Variants in NRXN3 observed in about 807,000 individuals in gnomAD.
The protein encoded by NRXN3 is neurexin 3.
In NRXN3, 32 loss-of-function variants were observed where a neutral mutation model predicts 137.6. The observed-to-expected ratio is 0.23, with a 90% CI of 0.18 to 0.31. The LOEUF is 0.31. Ranked by LOEUF, NRXN3 falls within the 10% of genes least tolerant of loss-of-function variation. The pLI, the probability that NRXN3 is intolerant of heterozygous loss-of-function variation, is 1.00. For missense variants in NRXN3, 1,574 were observed against 2,062.5 expected (o/e 0.76, Z 4.59); for synonymous variants, 798 against 784.5 (o/e 1.02, Z -0.29).
chr14:78,726,472 TA>T (rs35040795), intron 8 of NRXN3, among the ~76,000 whole-genome samples: 144,702 of 148,400 alleles, frequency 0.98, 70,633 homozygotes, highest in Non-Finnish European at 0.99. Context: ...CACTCTTTTT[TA>T]ATTGTGATAA....
chr14:79,623,642 T>C (rs2098248455), intron 16 of NRXN3, among the ~76,000 whole-genome samples: 1 of 152,204 alleles, frequency 6.6e-6, no homozygotes, highest in East Asian at 1.9e-4. Flanking sequence ...ATGCAAATGA[T>C]TGCTTTTAAA....
intron 8 of NRXN3, among the ~76,000 whole-genome samples, chr14:78,751,292 C>T (rs557076921): frequency 3.9e-5 from 6 of 152,218 alleles, no homozygotes; most frequent in Admixed American, 2.0e-4. Context: ...CCCGATGTTC[C>T]GAAGAAAGGA....
intron 15 of NRXN3, chr14:79,280,054 C>G (rs559086936): frequency 2.2e-6 from 3 of 1,339,616 alleles, no homozygotes; most frequent in East Asian, 3.1e-5. Context: ...CCCTGGCATT[C>G]TAAATTTCAG....
At chr14:79,793,710 T>C (rs12881435) in intron 19 of NRXN3, among the ~76,000 whole-genome samples, 20,027 of 152,262 alleles carry the variant, frequency 0.13, 1,602 homozygotes, top group Middle Eastern at 0.22. Flanking sequence ...AATAGTCTAT[T>C]TGTTATGTTT....
At chr14:79,800,034 A>G (rs2099172663) in intron 19 of NRXN3, among the ~76,000 whole-genome samples, 1 of 152,218 alleles carries the variant, frequency 6.6e-6, no homozygotes, top group Admixed American at 6.5e-5. Context: ...GCCACTGTGA[A>G]AATTATTTGG....
At chr14:79,357,902 C>T (rs542670802) in intron 15 of NRXN3, among the ~76,000 whole-genome samples, 1 of 152,270 alleles carries the variant, frequency 6.6e-6, no homozygotes, top group East Asian at 1.9e-4. Flanking sequence ...CTTCCCCTTT[C>T]CTCTGTTCCT....
chr14:79,652,188 C>T (rs1281159351), intron 16 of NRXN3, among the ~76,000 whole-genome samples: 1 of 152,160 alleles, frequency 6.6e-6, no homozygotes, highest in Non-Finnish European at 1.5e-5. Context: ...CACACAATCA[C>T]ACACACATTT....
chr14:79,708,750 C>G (rs988003941), intron 19 of NRXN3, among the ~76,000 whole-genome samples: 1 of 152,086 alleles, frequency 6.6e-6, no homozygotes, highest in African/African-American at 2.4e-5. Context: ...CTTGGGTTGT[C>G]TAGAGAGCTT....
intron 15 of NRXN3, among the ~76,000 whole-genome samples, chr14:79,140,885 G>A (rs1039241323): frequency 8.6e-5 from 13 of 151,896 alleles, no homozygotes; most frequent in African/African-American, 2.9e-4. Context: ...TTCAACAGGT[G>A]GATTCTTGTG....
At chr14:79,292,196 A>AT (rs1266351439) in intron 15 of NRXN3, among the ~76,000 whole-genome samples, 1 of 152,224 alleles carries the variant, frequency 6.6e-6, no homozygotes, top group African/African-American at 2.4e-5. Context: ...ATTCTATTAC[A>AT]TTATAGGAGA....
intron 15 of NRXN3, among the ~76,000 whole-genome samples, chr14:79,374,436 T>A (rs1362107301): frequency 6.6e-6 from 1 of 152,024 alleles, no homozygotes; most frequent in Admixed American, 6.6e-5. Flanking sequence ...ATTGTGACAC[T>A]AAAATACCAC....
At chr14:79,713,191 AC>A (rs2098811118) in intron 19 of NRXN3, among the ~76,000 whole-genome samples, 3 of 44,698 alleles carry the variant, frequency 6.7e-5, no homozygotes, top group Admixed American at 6.6e-4. Context: ...TTTTTTTTTT[AC>A]CCTCTCTCTG....
chr14:79,413,831 T>G (rs1179734868), intron 15 of NRXN3, among the ~76,000 whole-genome samples: 3 of 130,972 alleles, frequency 2.3e-5, no homozygotes, highest in Non-Finnish European at 3.1e-5. Context: ...TCATGAGAGT[T>G]AAGCCTGTCA....
At chr14:78,567,287 C>T (rs1346312321) in intron 4 of NRXN3, among the ~76,000 whole-genome samples, 2 of 152,184 alleles carry the variant, frequency 1.3e-5, no homozygotes, top group East Asian at 3.9e-4. Context: ...GGCAAGAGTA[C>T]ATAGAAAGGT....
At chr14:78,598,780 G>A (rs560701472) in intron 4 of NRXN3, among the ~76,000 whole-genome samples, 1 of 152,330 alleles carries the variant, frequency 6.6e-6, no homozygotes, top group South Asian at 2.1e-4. Flanking sequence ...AAGGCAGTCT[G>A]GGGTATGTGC....
chr14:79,392,831 G>C (rs2094895040), intron 15 of NRXN3, among the ~76,000 whole-genome samples: 1 of 151,850 alleles, frequency 6.6e-6, no homozygotes, highest in South Asian at 2.1e-4. Context: ...TTAGCTGGGT[G>C]TGGTGGCATG....
chr14:79,543,302 C>T (rs868341528), intron 16 of NRXN3, among the ~76,000 whole-genome samples: 5 of 152,200 alleles, frequency 3.3e-5, no homozygotes, highest in African/African-American at 1.2e-4. Context: ...CATATTCCAG[C>T]ATCCTGTTAA....
chr14:78,556,183 CA>C (rs954846450), intron 4 of NRXN3, among the ~76,000 whole-genome samples: 1 of 152,228 alleles, frequency 6.6e-6, no homozygotes, highest in African/African-American at 2.4e-5. Flanking sequence ...CCTTATTCTT[CA>C]GCCTTCCCAG....
intron 19 of NRXN3, among the ~76,000 whole-genome samples, chr14:79,767,177 G>T (rs182573430): frequency 2.6e-5 from 4 of 152,328 alleles, no homozygotes; most frequent in African/African-American, 9.6e-5. Flanking sequence ...TCCTGCCTCT[G>T]TAGTCTTATT....
Sources: allele counts gnomAD v4.1 joint callset (sites outside exome capture counted in the v4.1 genomes callset), GRCh38; gene constraint gnomAD v4.1.1; transcripts MANE v1.5; gene names NCBI Gene and HGNC (gene_info 2026-07-23, HGNC 2026-07-21).